The following NRG1 variants were observed in gnomAD, a reference collection of about 807,000 sequenced individuals.
NRG1 encodes the protein neuregulin 1, also known as pro-neuregulin-1, membrane-bound isoform.
In NRG1, 18 loss-of-function variants were observed where a neutral mutation model predicts 63.8. The ratio of observed to expected loss-of-function variants is 0.28; its 90% CI spans 0.19 to 0.42. The LOEUF is 0.42. Among genes scored for constraint, NRG1 ranks in the 10% least tolerant of loss-of-function variants. The probability of loss-of-function intolerance (pLI) is 1.00; values close to 1 mark genes in which losing one functional copy is unlikely to be tolerated. For synonymous variants in NRG1, 302 were observed against 301.3 expected (o/e 1.00, Z -0.02); for missense variants, 762 against 814.7 (o/e 0.94, Z 0.79).
chr8:32,271,328 A>G (rs1467917415), intron 1 of NRG1, among the ~76,000 whole-genome samples: 2 of 152,228 alleles, frequency 1.3e-5, no homozygotes, highest in African/African-American at 4.8e-5. Flanking sequence ...AAATTATTTA[A>G]GAATGATTTA....
chr8:31,813,756 G>A lies in NRG1; in HGVS notation c.37+174325G>A, dbSNP rs117673074. On this transcript the variant is annotated intron_variant, in intron 1 of 10. Coordinates refer to the NRG1 transcript ENST00000519301. ...TGTCCAGGCTGGTCTCGAACTCCTCGGCTCAAGTGATCCACCTGCCTTGGC... is the reference window on the plus strand; with the variant it reads ...TGTCCAGGCTGGTCTCGAACTCCTCAGCTCAAGTGATCCACCTGCCTTGGC... Among the ~76,000 whole-genome samples the A allele has an allele frequency of 3.8e-3, 583 of 151,854 alleles. 1 individual carries two copies. The highest frequency in any genetic ancestry group is 0.02 in the Middle Eastern group (6 of 294).
At chr8:31,671,134 A>G (rs1319387635) in intron 1 of NRG1, among the ~76,000 whole-genome samples, 1 of 125,264 alleles carries the variant, frequency 8.0e-6, no homozygotes. Flanking sequence ...AAAGGCCATG[A>G]TCTCATTTTT....
chr8:31,758,216 C>T (rs998388660), intron 1 of NRG1, among the ~76,000 whole-genome samples: 3 of 152,062 alleles, frequency 2.0e-5, no homozygotes, highest in African/African-American at 4.8e-5. Context: ...CCTAGACTCC[C>T]ACCCCACAAA....
Position 32,027,454 on chromosome 8 carries a change from TTCCTTCCTTCCTTCCC to T in NRG1, c.37+388027_37+388042del, listed in dbSNP as rs1159597005. ...CTTCCTTCCTTCCTTCCTTCCTTCC[TTCCTTCCTTCCTTCCC>T]TCCCTCCCTCCCTCCCTAATCTAGG... On this transcript the variant is annotated intron_variant, in intron 1 of 10. Coordinates refer to the NRG1 transcript ENST00000519301. Among the ~76,000 whole-genome samples the T allele has an allele frequency of 3.4e-4, 35 of 102,638 alleles. 1 individual carries two copies. The highest frequency in any genetic ancestry group is 1.0e-3 in the East Asian group (4 of 3,996). 67.3% of individuals were successfully genotyped at this position (102,638 alleles called of 152,430 possible).
intron 1 of NRG1, among the ~76,000 whole-genome samples, chr8:32,439,607 A>G (rs1819252556): frequency 6.6e-6 from 1 of 152,136 alleles, no homozygotes; most frequent in African/African-American, 2.4e-5. Flanking sequence ...ATTACAGGCT[A>G]TTTTCAAAAT....
intron 1 of NRG1, among the ~76,000 whole-genome samples, chr8:32,160,962 ATTGCCT>A (rs1369340716): frequency 6.6e-6 from 1 of 152,126 alleles, no homozygotes; most frequent in East Asian, 1.9e-4. Flanking sequence ...TACTAAAATT[ATTGCCT>A]TTTCTTAATG....
At chr8:32,357,830 G>A (rs1806654757) in intron 1 of NRG1, among the ~76,000 whole-genome samples, 1 of 152,164 alleles carries the variant, frequency 6.6e-6, no homozygotes, top group African/African-American at 2.4e-5. Context: ...TCTAGTGGGG[G>A]ATTCAAACAA....
At chr8:32,250,673 T>A (rs1278007773) in intron 1 of NRG1, among the ~76,000 whole-genome samples, 2 of 152,146 alleles carry the variant, frequency 1.3e-5, no homozygotes, top group African/African-American at 4.8e-5. Context: ...TTTAGTAACC[T>A]TTTCAAAATT....
At chr8:32,402,469 G>A (rs1813339982) in intron 1 of NRG1, among the ~76,000 whole-genome samples, 1 of 152,082 alleles carries the variant, frequency 6.6e-6, no homozygotes, top group East Asian at 1.9e-4. Flanking sequence ...GCCATTCTGA[G>A]TAGCGTGATG....
intron 1 of NRG1, among the ~76,000 whole-genome samples, chr8:32,073,609 A>G (rs1826070587): frequency 6.6e-6 from 1 of 152,206 alleles, no homozygotes; most frequent in Admixed American, 6.5e-5. Context: ...TACAGAAGGG[A>G]AATCTAAGAA....
intron 1 of NRG1, among the ~76,000 whole-genome samples, chr8:32,381,340 C>G (rs1173753104): frequency 6.6e-6 from 1 of 152,168 alleles, no homozygotes; most frequent in African/African-American, 2.4e-5. Context: ...GCCCCACAGT[C>G]ACATCCACTC....
intron 1 of NRG1, among the ~76,000 whole-genome samples, chr8:32,563,099 T>C (rs1178423861): frequency 6.6e-6 from 1 of 152,182 alleles, no homozygotes; most frequent in Admixed American, 6.5e-5. Flanking sequence ...ATTTGTAAAC[T>C]TTCTTAAAAC....
intron 1 of NRG1, among the ~76,000 whole-genome samples, chr8:31,862,602 C>T (rs964160598): frequency 2.0e-5 from 3 of 152,118 alleles, no homozygotes; most frequent in African/African-American, 7.2e-5. Flanking sequence ...TAATGACTTC[C>T]ATTTTATTTG....
chr8:32,004,492 G>C (rs555676044), intron 1 of NRG1, among the ~76,000 whole-genome samples: 1 of 151,554 alleles, frequency 6.6e-6, no homozygotes, highest in Non-Finnish European at 1.5e-5. Flanking sequence ...GGAAAAACTC[G>C]GGAGGGTGGG....
intron 1 of NRG1, among the ~76,000 whole-genome samples, chr8:32,461,106 C>T (rs1420200635): frequency 6.6e-6 from 1 of 152,032 alleles, no homozygotes; most frequent in African/African-American, 2.4e-5. Flanking sequence ...TAAAATAGAA[C>T]TTTCTCAACA....
intron 5 of NRG1, among the ~76,000 whole-genome samples, chr8:32,640,232 T>C (rs1161765338): frequency 6.9e-6 from 1 of 145,590 alleles, no homozygotes; most frequent in African/African-American, 2.7e-5. Flanking sequence ...TCTTTTGTTT[T>C]TTCTTCTTTT....
At chr8:31,865,304 G>A (rs1215659728) in intron 1 of NRG1, among the ~76,000 whole-genome samples, 2 of 152,166 alleles carry the variant, frequency 1.3e-5, no homozygotes, top group South Asian at 2.1e-4. Context: ...CTCTCAGAGG[G>A]AAGACAGAAC....
intron 1 of NRG1, among the ~76,000 whole-genome samples, chr8:32,531,655 T>G (rs1234982012): frequency 2.0e-5 from 3 of 152,194 alleles, no homozygotes; most frequent in Admixed American, 6.5e-5. Flanking sequence ...CGAAATGGTA[T>G]TTTTAGTATT....
intron 1 of NRG1, among the ~76,000 whole-genome samples, chr8:32,482,219 A>G (rs1020509840): frequency 4.3e-4 from 66 of 152,154 alleles, no homozygotes; most frequent in African/African-American, 1.4e-3. Context: ...AAAAAAAAAG[A>G]AAATTCCTGA....
Sources: allele counts gnomAD v4.1 joint callset (sites outside exome capture counted in the v4.1 genomes callset), GRCh38; gene constraint gnomAD v4.1.1; transcripts MANE v1.5; gene names NCBI Gene and HGNC (gene_info 2026-07-23, HGNC 2026-07-21).